Variants in GPD2 observed in about 807,000 individuals in gnomAD.
The protein encoded by GPD2 is glycerol-3-phosphate dehydrogenase, mitochondrial.
GPD2 carries 54 observed loss-of-function variants against 82.4 expected under a neutral mutation model. That is an observed-to-expected ratio of 0.66 (90% CI 0.53 to 0.82). The LOEUF (loss-of-function observed/expected upper bound fraction) is 0.82. Ranked by LOEUF, GPD2 falls within the 40% of genes least tolerant of loss-of-function variation. The probability of loss-of-function intolerance (pLI) is 0.00; values close to 1 mark genes in which losing one functional copy is unlikely to be tolerated. For missense variants in GPD2, 748 were observed against 896.2 expected (o/e 0.83, Z 2.11); for synonymous variants, 288 against 306.1 (o/e 0.94, Z 0.62).
chr2:156,440,628 G>A (rs1682135846), intron 1 of GPD2, among the ~76,000 whole-genome samples: 1 of 152,092 alleles, frequency 6.6e-6, no homozygotes, highest in African/African-American at 2.4e-5. Flanking sequence ...TTTTTCAGTA[G>A]AGAATTTTAT....
At chr2:156,413,267 A>G in the GPD2 span, among the ~76,000 whole-genome samples, 2 of 152,200 alleles carry the variant, frequency 1.3e-5, no homozygotes, top group Admixed American at 1.3e-4. Flanking sequence ...TTTTAGAGCT[A>G]TCTTGGTGGG....
At chr2:156,523,074 A>G (rs1047438635) in intron 6 of GPD2, among the ~76,000 whole-genome samples, 2 of 152,150 alleles carry the variant, frequency 1.3e-5, no homozygotes, top group Non-Finnish European at 2.9e-5. Context: ...GTTTCAGTCA[A>G]TGAACCTACA....
At chr2:156,543,498 A>C (rs752699188) in intron 6 of GPD2, among the ~76,000 whole-genome samples, 3 of 152,246 alleles carry the variant, frequency 2.0e-5, no homozygotes, top group Non-Finnish European at 2.9e-5. Context: ...TCTCTGGTAC[A>C]TTACAAGTGA....
At chr2:156,498,210 G>A (rs1369207185) in intron 3 of GPD2, among the ~76,000 whole-genome samples, 2 of 152,200 alleles carry the variant, frequency 1.3e-5, no homozygotes, top group African/African-American at 4.8e-5. Flanking sequence ...TCTGCATGGC[G>A]ATATGCAAGG....
intron 2 of GPD2, among the ~76,000 whole-genome samples, chr2:156,477,222 G>C (rs1683544982): frequency 6.6e-6 from 1 of 152,158 alleles, no homozygotes; most frequent in Non-Finnish European, 1.5e-5. Flanking sequence ...CTTGAGCCCA[G>C]AAGTTTGAGA....
intron 1 of GPD2, among the ~76,000 whole-genome samples, chr2:156,439,131 T>G (rs995016352): frequency 6.6e-6 from 1 of 152,236 alleles, no homozygotes; most frequent in Non-Finnish European, 1.5e-5. Flanking sequence ...AAAAATGATC[T>G]TTCTGTTGAA....
chr2:156,484,360 C>T (rs1683853871), intron 2 of GPD2, among the ~76,000 whole-genome samples: 1 of 151,952 alleles, frequency 6.6e-6, no homozygotes, highest in Non-Finnish European at 1.5e-5. Context: ...TGGTCTTGAA[C>T]GCCTGACCTA....
chr2:156,561,539 G>A (rs567371190), intron 9 of GPD2, among the ~76,000 whole-genome samples: 9 of 152,216 alleles, frequency 5.9e-5, no homozygotes, highest in African/African-American at 1.9e-4. Context: ...GATACCTTTA[G>A]CATGACAATG....
At chr2:156,569,764 G>T (rs1343382837) in intron 11 of GPD2, among the ~76,000 whole-genome samples, 1 of 152,070 alleles carries the variant, frequency 6.6e-6, no homozygotes, top group South Asian at 2.1e-4. Flanking sequence ...GAGTTTATTT[G>T]GTTTGTTTCT....
intron 3 of GPD2, among the ~76,000 whole-genome samples, chr2:156,504,736 C>T (rs939637348): frequency 1.3e-5 from 2 of 151,784 alleles, no homozygotes; most frequent in South Asian, 4.2e-4. Flanking sequence ...ATATTATCCA[C>T]ATGTTAAAAA....
chr2:156,480,127 A>G (rs1683669869), intron 2 of GPD2, among the ~76,000 whole-genome samples: 2 of 152,250 alleles, frequency 1.3e-5, no homozygotes, highest in African/African-American at 4.8e-5. Context: ...GAAAGGAAGT[A>G]GCACTTCATA....
At chr2:156,507,527 A>T (rs1684831855) in intron 3 of GPD2, among the ~76,000 whole-genome samples, 3 of 151,424 alleles carry the variant, frequency 2.0e-5, no homozygotes, top group Admixed American at 6.6e-5. Flanking sequence ...TTTTGTCATG[A>T]TGTCTAGGCT....
At chr2:156,531,278 G>A (rs1685847918) in intron 6 of GPD2, among the ~76,000 whole-genome samples, 1 of 152,050 alleles carries the variant, frequency 6.6e-6, no homozygotes, top group African/African-American at 2.4e-5. Context: ...TGTTGGGAAG[G>A]GGGATTTCTG....
intron 6 of GPD2, among the ~76,000 whole-genome samples, chr2:156,525,526 A>G (rs1306763558): frequency 6.6e-6 from 1 of 152,252 alleles, no homozygotes; most frequent in Non-Finnish European, 1.5e-5. Context: ...AAATTAGGAA[A>G]AAAATTATGT....
Position 156,583,078 on chromosome 2 carries a change from G to A in GPD2, c.*160G>A. On this transcript the variant is annotated 3_prime_UTR_variant, in exon 17 of 17. Coordinates refer to ENST00000438166, the MANE Select transcript of GPD2 (RefSeq NM_000408.5). ...CTTTAAGGTGTTGGTGTATTTGCCA[G>A]CTTTATTTGCTGTACTTTATTTGTA... 1.4e-6 allele frequency: 1 copy of A among 732,872 alleles called. No individual in the cohort carries two copies. The allele number at this position is 732,872 out of a possible 1,614,324, so 45.4% of individuals were successfully genotyped here.
intron 1 of GPD2, among the ~76,000 whole-genome samples, chr2:156,450,403 G>C (rs959635511): frequency 6.6e-6 from 1 of 152,176 alleles, no homozygotes; most frequent in Non-Finnish European, 1.5e-5. Context: ...AGAGAAGCAG[G>C]CCATTGAGCA....
intron 6 of GPD2, among the ~76,000 whole-genome samples, chr2:156,548,884 C>G (rs995564872): frequency 6.6e-6 from 1 of 152,134 alleles, no homozygotes; most frequent in Non-Finnish European, 1.5e-5. Context: ...GAAAAAGTCT[C>G]TAGTGATGCC....
chr2:156,558,143 C>T (rs1417798849), intron 9 of GPD2, among the ~76,000 whole-genome samples: 2 of 152,114 alleles, frequency 1.3e-5, no homozygotes, highest in African/African-American at 4.8e-5. Context: ...AGAGCATTTT[C>T]CTTGGTGATT....
Position 156,552,798 on chromosome 2 carries a change from A to G in GPD2, c.971+2052A>G, listed in dbSNP as rs529658262. ...AGAGATTGTTCGCAGAATTAAAGTG[A>G]TACCTTGCTATAGGACTTCTGGGGT... On this transcript the variant is annotated intron_variant, in intron 8 of 16. Transcript: ENST00000438166. Among the ~76,000 whole-genome samples, 6 of 149,480 alleles carry G rather than the reference A, an allele frequency of 4.0e-5. No individual in the cohort carries two copies. The East Asian group carries it at 8.3e-4, about 21-fold the overall frequency.
Sources: gnomAD v4.1 joint callset for allele counts (sites outside exome capture counted in the v4.1 genomes callset) on GRCh38, gnomAD v4.1.1 for gene constraint, MANE v1.5 for transcripts, NCBI Gene and HGNC (gene_info 2026-07-23, HGNC 2026-07-21) for gene names.